IGSF9: variants seen among roughly 807,000 people sequenced by gnomAD.
IGSF9 encodes protein turtle homolog A.
IGSF9 carries 87 observed loss-of-function variants against 121.7 expected under a neutral mutation model. The observed-to-expected ratio is 0.71, with a 90% CI of 0.60 to 0.85. The LOEUF (loss-of-function observed/expected upper bound fraction) is 0.85. Ranked by LOEUF, IGSF9 falls within the 40% of genes least tolerant of loss-of-function variation. The pLI is 0.00. For missense variants in IGSF9, 1,462 were observed against 1,565.3 expected (o/e 0.93, Z 1.11); for synonymous variants, 640 against 648.4 (o/e 0.99, Z 0.20).
At chr1:159,929,419 GAC>G (rs781260462) in intron 17 of IGSF9, 26 bp from the exon 18 acceptor site, 1 of 1,612,758 alleles carries the variant, frequency 6.2e-7, no homozygotes, top group Non-Finnish European at 8.5e-7. Context: ...AATAGTAGGT[GAC>G]ACAGGCAAAA....
chr1:159,931,274 G>A lies in IGSF9; in HGVS notation c.1514-13C>T, dbSNP rs1057414792. 1.9e-6 allele frequency: 3 copies of A among 1,614,092 alleles called. No individual in the cohort carries two copies. In the African/African-American group the frequency reaches 4.0e-5, roughly 22 times the overall value. On this transcript the variant is annotated splice_polypyrimidine_tract_variant and intron_variant, in intron 12 of 20. Coordinates refer to ENST00000368094, the MANE Select transcript of IGSF9 (RefSeq NM_001135050.2). This position sits in a 1 kb window ranked among gnomAD's most constrained non-coding sequence, Gnocchi z 4.8. ...TGAGGGCTAGTGCCTAGGCAGGGGG[G>A]AATGGAGGGATGGTGGTCAGGGCCT...
intron 6 of IGSF9, 63 bp downstream of exon 6, chr1:159,936,336 G>A: frequency 1.4e-6 from 2 of 1,421,610 alleles, no homozygotes; most frequent in Non-Finnish European, 2.0e-6. Flanking sequence ...AACCAATTCA[G>A]CCACAGGTCA....
rs80030551 is a variant in IGSF9 at position 159,938,917 on chromosome 1, C to T, written c.248-1079G>A. Reference sequence around the variant, plus strand: ...TGAAATCAGAAAGCTGCACTCAAGTCCTGACCCTGTCCCTAAACTGATCAC... The same window carrying T: ...TGAAATCAGAAAGCTGCACTCAAGTTCTGACCCTGTCCCTAAACTGATCAC... On this transcript the variant is annotated intron_variant, in intron 3 of 20. Coordinates refer to ENST00000368094, the MANE Select transcript of IGSF9 (RefSeq NM_001135050.2). Among the ~76,000 whole-genome samples, 251 of 152,232 alleles carry T rather than the reference C, an allele frequency of 1.6e-3. 4 individuals are homozygous for T. The East Asian group carries it at 0.044, about 27-fold the overall frequency.
At position 159,934,423 on chromosome 1, in the gene IGSF9, A is replaced by G; in HGVS notation, c.961+2T>C. 1 of 1,578,322 alleles carries G rather than the reference A, an allele frequency of 6.3e-7. No homozygotes were observed. Among genetic ancestry groups the G allele is most frequent in the South Asian group, 1.2e-5 (1 of 86,736 alleles). On this transcript the variant is annotated splice_donor_variant, in intron 8 of 20. Transcript: ENST00000368094. LOFTEE classifies it high-confidence loss of function. The stretch of plus-strand genomic sequence containing the variant: ...TGAGGGAGAAGCTGGGGTCAGGCTT[A>G]CAGAGCACAGTGAGGTAGGCAGAGG...
rs1651481801 is a variant in IGSF9 at position 159,943,559 on chromosome 1, A to T, written c.-105T>A. ...GCTCAGGGAACAGGTTTCAGCTCTC[A>T]CTCTTCTGTACAGTGAGGGCTTGGC... On this transcript the variant is annotated 5_prime_UTR_variant, in exon 2 of 21. Transcript: ENST00000368094. The T allele has an allele frequency of 5.6e-6, 6 of 1,076,842 alleles. No individual in the cohort carries two copies. The South Asian group carries it at 1.2e-4, about 21-fold the overall frequency. 66.7% of individuals were successfully genotyped at this position (1,076,842 alleles called of 1,614,324 possible).
chr1:159,928,181 C>T lies in IGSF9; in HGVS notation c.3207G>A (p.Glu1069=), dbSNP rs987176707. 1 of 1,609,900 alleles carries T rather than the reference C, an allele frequency of 6.2e-7. No homozygotes were observed. The highest frequency in any genetic ancestry group is 1.7e-5 in the Admixed American group (1 of 60,022). ...ACCTCTTGCTGACTGTCACCACATGCTCCCTTCGGGGCCATCTCTCAGGGC... is the reference window on the plus strand; with the variant it reads ...ACCTCTTGCTGACTGTCACCACATGTTCCCTTCGGGGCCATCTCTCAGGGC... ...ASGPERWPRR[E]HVVTVSKRRN... Residue 1069 remains glutamate (E), a synonymous_variant, in exon 19 of 21, where the codon GAG becomes GAA. Transcript: ENST00000368094.
At position 159,937,774 on chromosome 1, in the gene IGSF9, G is replaced by A. The variant is rs770981699; in HGVS notation, c.312C>T (p.Gly104=). Residue 104 remains glycine, a synonymous_variant, in exon 4 of 21, where the codon GGC becomes GGT. Coordinates refer to ENST00000368094, the MANE Select transcript of IGSF9 (RefSeq NM_001135050.2). The part of the protein sequence containing the change: ...QIEGLRVEDQ[G]WYECRVFFLD... ...GGAAGAACACGCGGCACTCGTACCA[G>A]CCCTGGTCTTCCACCCGGAGACCCT... is the stretch of plus-strand genomic sequence containing the variant. 1 of 1,614,086 alleles carries A rather than the reference G, an allele frequency of 6.2e-7. No individual in the cohort carries two copies. The highest frequency in any genetic ancestry group is 8.5e-7 in the Non-Finnish European group (1 of 1,179,964).
intron 13 of IGSF9, 23 bp from the exon 14 acceptor site, chr1:159,930,890 G>A (rs1429985952): frequency 1.3e-6 from 2 of 1,578,610 alleles, no homozygotes; most frequent in Admixed American, 1.9e-5. Context: ...AGGACATGGG[G>A]GGCACCTCGT....
chr1:159,944,370 C>A (rs1036214361), intron 1 of IGSF9, among the ~76,000 whole-genome samples: 1 of 152,106 alleles, frequency 6.6e-6, no homozygotes, highest in African/African-American at 2.4e-5. Flanking sequence ...ATGGGGGATC[C>A]AGGCAGCATC....
intron 14 of IGSF9, 30 bp from the exon 15 acceptor site, chr1:159,930,469 A>C: frequency 6.6e-7 from 1 of 1,520,242 alleles, no homozygotes; most frequent in Non-Finnish European, 8.8e-7. Context: ...AGGTCAGAGC[A>C]AGGATTCCCA....
chr1:159,943,041 A>G lies in IGSF9; in HGVS notation c.169T>C (p.Trp57Arg). The part of the protein sequence containing the change: ...AGRPPLHVIE[W>R]LRFGFLLPIF... ...GGAAGCAGGAATCCAAAGCGCAGCC[A>G]CTCGATGACATGCAGGGGGGGCCGG... is the stretch of plus-strand genomic sequence containing the variant. The change falls in exon 3 of 21, where the codon TGG (tryptophan) becomes CGG (arginine). Residue 57 changes from tryptophan (W) to arginine (R), a missense_variant. Coordinates refer to ENST00000368094, the MANE Select transcript of IGSF9 (RefSeq NM_001135050.2). 6.2e-7 allele frequency: 1 copy of G among 1,613,024 alleles called. No individual in the cohort carries two copies. Among genetic ancestry groups the G allele is most frequent in the Non-Finnish European group, 8.5e-7 (1 of 1,179,556 alleles).
At position 159,932,278 on chromosome 1, in the gene IGSF9, C is replaced by A. The variant is rs1294178518; in HGVS notation, c.1245+234G>T. Reference sequence around the variant, plus strand: ...CAAGGTTAGTGAGAGTTGGGGCAAACAGGATATCTTACTTCTGGATGTGTG... The same window carrying A: ...CAAGGTTAGTGAGAGTTGGGGCAAAAAGGATATCTTACTTCTGGATGTGTG... On this transcript the variant is annotated intron_variant, in intron 10 of 20. Transcript: ENST00000368094. This position sits in a 1 kb window ranked among gnomAD's most constrained non-coding sequence, Gnocchi z 4.1. The A allele has an allele frequency of 2.0e-5, 12 of 590,452 alleles. No homozygotes were observed. The highest frequency in any genetic ancestry group is 3.1e-5 in the Admixed American group (1 of 32,580). 36.6% of individuals were successfully genotyped at this position (590,452 alleles called of 1,614,324 possible). A position where few individuals can be genotyped will look rare whatever the true frequency, so the allele number is the denominator to read the frequency against.
At chr1:159,945,446 A>T (rs1651548896) in intron 1 of IGSF9, 127 bp downstream of exon 1, 1 of 150,826 alleles carries the variant, frequency 6.6e-6, no homozygotes, top group Non-Finnish European at 1.5e-5. Context: ...ACTCCCCAGA[A>T]CTCCCCTAGT....
chr1:159,928,080 T>TGCA (rs1434284640), intron 19 of IGSF9, 78 bp downstream of exon 19: 2 of 1,536,700 alleles, frequency 1.3e-6, no homozygotes, highest in African/African-American at 2.7e-5. Flanking sequence ...GCAGAGAAGG[T>TGCA]GCAGGGTATT....
Position 159,932,815 on chromosome 1 carries a change from T to C in IGSF9, c.1105-163A>G, listed in dbSNP as rs1332981079. ...CCCTCTCTGATTTCCAGTGCTTCCTTTCCTTCCTGCAGAGGGACCCCTCCC... is the reference window on the plus strand; with the variant it reads ...CCCTCTCTGATTTCCAGTGCTTCCTCTCCTTCCTGCAGAGGGACCCCTCCC... On this transcript the variant is annotated intron_variant, in intron 9 of 20. Coordinates refer to ENST00000368094, the MANE Select transcript of IGSF9 (RefSeq NM_001135050.2). This position sits in a 1 kb window ranked among gnomAD's most constrained non-coding sequence, Gnocchi z 4.1. 1.5e-6 allele frequency: 1 copy of C among 651,542 alleles called. No homozygotes were observed. The highest frequency in any genetic ancestry group is 3.0e-5 in the East Asian group (1 of 33,402). 40.4% of individuals were successfully genotyped at this position (651,542 alleles called of 1,614,324 possible).
chr1:159,942,760 G>A (rs1206850370), intron 3 of IGSF9, among the ~76,000 whole-genome samples: 1 of 152,116 alleles, frequency 6.6e-6, no homozygotes, highest in Non-Finnish European at 1.5e-5. Context: ...GTGTGTGTGT[G>A]TGTGTGTGTA....
In IGSF9 at chr1:159,934,829, G is replaced by A. The variant is rs1216145199; in HGVS notation, c.674-7C>T. Reference sequence around the variant, plus strand: ...ACCACGATGACTGGGGGTCCTGTGGGATGCACAAGGGGAGGAAGGTGGCCT... The same window carrying A: ...ACCACGATGACTGGGGGTCCTGTGGAATGCACAAGGGGAGGAAGGTGGCCT... On this transcript the variant is annotated splice_polypyrimidine_tract_variant and splice_region_variant and intron_variant, in intron 6 of 20. Coordinates refer to ENST00000368094, the MANE Select transcript of IGSF9 (RefSeq NM_001135050.2). 1.9e-6 allele frequency: 3 copies of A among 1,613,952 alleles called. No homozygotes were observed. The highest frequency in any genetic ancestry group is 1.7e-6 in the Non-Finnish European group (2 of 1,179,976).
chr1:159,945,609 A>C lies in IGSF9; in HGVS notation c.-211T>G, dbSNP rs982394735. On this transcript the variant is annotated 5_prime_UTR_variant, in exon 1 of 21. Transcript: ENST00000368094. ...CGCTCGGCTCCACTCTCGCCGCTAC[A>C]CAATAGGGGGCGGACCCGCCTCCCC... 6.6e-6 allele frequency: 1 copy of C among 152,134 alleles called. No homozygotes were observed. Among genetic ancestry groups the C allele is most frequent in the Non-Finnish European group, 1.5e-5 (1 of 68,050 alleles). The allele number at this position is 152,134 out of a possible 1,614,324, so 9.4% of individuals were successfully genotyped here.
Position 159,932,435 on chromosome 1 carries a change from C to CCA in IGSF9, c.1245+76_1245+77insTG. 1.4e-6 allele frequency: 2 copies of CCA among 1,437,976 alleles called. No homozygotes were observed. Among genetic ancestry groups the CCA allele is most frequent in the Non-Finnish European group, 1.9e-6 (2 of 1,039,416 alleles). 89.1% of individuals were successfully genotyped at this position (1,437,976 alleles called of 1,614,324 possible). A position where few individuals can be genotyped will look rare whatever the true frequency, so the allele number is the denominator to read the frequency against. On this transcript the variant is annotated intron_variant, in intron 10 of 20. Coordinates refer to ENST00000368094, the MANE Select transcript of IGSF9 (RefSeq NM_001135050.2). The surrounding 1 kb of genome is among the most constrained non-coding windows in gnomAD (Gnocchi z 4.1). ...CCATGTGTCTGCCCCACCCCACCCC[C>CCA]ATCAGCCTGGCCTTAGCACCATCTC...
Sources: gnomAD v4.1 joint callset for allele counts (sites outside exome capture counted in the v4.1 genomes callset) on GRCh38, gnomAD v4.1.1 for gene constraint, Gnocchi (gnomAD v3.1) non-coding constraint, MANE v1.5 for transcripts, NCBI Gene and HGNC (gene_info 2026-07-23, HGNC 2026-07-21) for gene names.